The following DMXL2 variants were observed in gnomAD, a reference collection of about 807,000 sequenced individuals.
DMXL2 encodes the protein dmX-like protein 2.
A neutral mutation model predicts 331.1 loss-of-function variants in DMXL2; 103 were observed. The ratio of observed to expected loss-of-function variants is 0.31; its 90% CI spans 0.27 to 0.37. The LOEUF is 0.37. Among genes scored for constraint, DMXL2 ranks in the 10% least tolerant of loss-of-function variants. The pLI, the probability that DMXL2 is intolerant of heterozygous loss-of-function variation, is 1.00. For missense variants in DMXL2, 3,171 were observed against 3,642.9 expected, an observed-to-expected ratio of 0.87 and a Z score of 3.33; for synonymous variants, 1,281 against 1,252.1, an observed-to-expected ratio of 1.02 and a Z score of -0.49.
Position 51,545,686 on chromosome 15 carries a change from T to A in DMXL2, c.827A>T (p.Asp276Val). 1 of 1,613,704 alleles carries A rather than the reference T, an allele frequency of 6.2e-7. No individual in the cohort carries two copies. The highest frequency in any genetic ancestry group is 8.5e-7 in the Non-Finnish European group (1 of 1,179,736). ...ACAAATCTGCTCACCCAAAAGACAGTCTTCTGGTAATAAAGTTTCTGCCCA... is the reference window on the plus strand; with the variant it reads ...ACAAATCTGCTCACCCAAAAGACAGACTTCTGGTAATAAAGTTTCTGCCCA... ...RLWAETLLPEDCLLGEQICET... is the reference protein window; with the variant it reads ...RLWAETLLPEVCLLGEQICET... Residue 276 changes from aspartate to valine, a missense_variant, in exon 8 of 44, where the codon GAC becomes GTC. Asp to Val is a radical substitution (Grantham distance 152). This residue lies in a region of DMXL2 where 1,674 missense variants were observed against 1,780.2 expected (regional missense o/e 0.94). Transcript: ENST00000560891.
At chr15:51,483,563 G>C (rs1203412613) in intron 23 of DMXL2, among the ~76,000 whole-genome samples, 1 of 152,170 alleles carries the variant, frequency 6.6e-6, no homozygotes. Context: ...CCAAATGGGA[G>C]AGGTCTCCAA....
intron 1 of DMXL2, among the ~76,000 whole-genome samples, chr15:51,605,487 T>C (rs994685342): frequency 1.5e-4 from 22 of 145,252 alleles, no homozygotes; most frequent in Admixed American, 1.2e-3. Context: ...AGGTGTGAGC[T>C]ACCCGGCCCA....
intron 6 of DMXL2, among the ~76,000 whole-genome samples, chr15:51,549,073 C>A (rs184948875): frequency 2.0e-5 from 3 of 152,066 alleles, no homozygotes; most frequent in African/African-American, 7.2e-5. Flanking sequence ...AAGCAGTATA[C>A]ACTGTACCCA....
At chr15:51,579,765 G>A (rs982153201) in intron 1 of DMXL2, among the ~76,000 whole-genome samples, 5 of 152,120 alleles carry the variant, frequency 3.3e-5, no homozygotes, top group African/African-American at 1.2e-4. Context: ...TGATTTTCCA[G>A]CTAACAGTAT....
intron 1 of DMXL2, among the ~76,000 whole-genome samples, chr15:51,614,129 C>T (rs1290631943): frequency 6.6e-6 from 1 of 152,152 alleles, no homozygotes; most frequent in African/African-American, 2.4e-5. Flanking sequence ...GAGAAAAAGA[C>T]ACCGCAAGTG....
chr15:51,451,782 A>G, intron 41 of DMXL2, 85 bp from the exon 42 acceptor site: 1 of 1,214,876 alleles, frequency 8.2e-7, no homozygotes. Flanking sequence ...TCAGTCAAAT[A>G]TTTTGCTTAT....
intron 13 of DMXL2, among the ~76,000 whole-genome samples, chr15:51,526,662 C>T (rs758900782): frequency 6.6e-6 from 1 of 152,106 alleles, no homozygotes; most frequent in Non-Finnish European, 1.5e-5. Context: ...ATAACACAGA[C>T]AACAAATTCA....
chr15:51,605,514 A>ATTTTT (rs2053520971), intron 1 of DMXL2, among the ~76,000 whole-genome samples: 1 of 36,866 alleles, frequency 2.7e-5, no homozygotes, highest in Non-Finnish European at 6.6e-5. Context: ...ACAGATTAAT[A>ATTTTT]TTCTTTTTTT....
At chr15:51,473,421 GA>G (rs2140320154) in intron 28 of DMXL2, among the ~76,000 whole-genome samples, 1 of 152,272 alleles carries the variant, frequency 6.6e-6, no homozygotes, top group South Asian at 2.1e-4. Context: ...CAATTTTGGA[GA>G]AAAACTTTTA....
At chr15:51,555,984 G>A (rs770515738) in intron 6 of DMXL2, among the ~76,000 whole-genome samples, 10 of 152,112 alleles carry the variant, frequency 6.6e-5, no homozygotes, top group Non-Finnish European at 8.8e-5. Flanking sequence ...AATCTGTCAA[G>A]GACATTATGA....
Position 51,486,265 on chromosome 15 carries a change from T to C in DMXL2, c.5290A>G (p.Thr1764Ala). The change falls in exon 23 of 44, where the codon ACT (threonine) becomes GCT (alanine). Residue 1764 changes from threonine (T) to alanine (A), a missense_variant. This residue lies in a region of DMXL2 where 252 missense variants were observed against 387.4 expected (regional missense o/e 0.65). Coordinates refer to ENST00000560891, the MANE Select transcript of DMXL2 (RefSeq NM_001378457.1). ...IARLYESEFETSSTYISILNQ... is the reference protein window; with the variant it reads ...IARLYESEFEASSTYISILNQ... ...AGGATGGATATATAAGTGGATGAAG[T>C]CTCAAATTCAGATTCATATAAACGG... 1.2e-6 allele frequency: 2 copies of C among 1,612,940 alleles called. No individual in the cohort carries two copies. The highest frequency in any genetic ancestry group is 1.7e-6 in the Non-Finnish European group (2 of 1,179,018).
At position 51,447,884 on chromosome 15, in the gene DMXL2, A is replaced by T. The variant is rs544273591; in HGVS notation, c.*1100T>A. 6.5e-6 allele frequency: 1 copy of T among 152,800 alleles called. No individual in the cohort carries two copies. Among genetic ancestry groups the T allele is most frequent in the South Asian group, 2.1e-4 (1 of 4,834 alleles). The allele number at this position is 152,800 out of a possible 1,614,324, so 9.5% of individuals were successfully genotyped here. Reference sequence around the variant, plus strand: ...AAGTTACTTTTATGCCATTGTATTTACTATTTACCACACAGGCATTGAACA... The same window carrying T: ...AAGTTACTTTTATGCCATTGTATTTTCTATTTACCACACAGGCATTGAACA... On this transcript the variant is annotated 3_prime_UTR_variant, in exon 44 of 44. Coordinates refer to ENST00000560891, the MANE Select transcript of DMXL2 (RefSeq NM_001378457.1).
intron 16 of DMXL2, 49 bp from the exon 17 acceptor site, chr15:51,503,082 T>A (rs1331680942): frequency 8.4e-7 from 1 of 1,186,366 alleles, no homozygotes; most frequent in African/African-American, 1.6e-5. Context: ...ATCATTACTA[T>A]AAATAGGAGC....
intron 2 of DMXL2, 59 bp downstream of exon 2, chr15:51,575,997 T>A: frequency 6.7e-7 from 1 of 1,491,534 alleles, no homozygotes; most frequent in East Asian, 2.3e-5. Context: ...GATAAGAAGA[T>A]TCTGAGATTA....
rs186811314 is a variant in DMXL2, at chr15:51,570,848, C to T, written c.214-2290G>A. ...GCAAAAACATACCAAATTGTAAAGA[C>T]CATCAATGCTATGAAGAAACTGCAT... On this transcript the variant is annotated intron_variant, in intron 2 of 43. Coordinates refer to ENST00000560891, the MANE Select transcript of DMXL2 (RefSeq NM_001378457.1). 8.9e-3 allele frequency among the ~76,000 whole-genome samples: 1,354 copies of T among 152,218 alleles called. 15 individuals are homozygous for T. The highest frequency in any genetic ancestry group is 0.02 in the Middle Eastern group (6 of 294).
chr15:51,591,041 T>C (rs2052275324), intron 1 of DMXL2, among the ~76,000 whole-genome samples: 1 of 152,142 alleles, frequency 6.6e-6, no homozygotes, highest in Non-Finnish European at 1.5e-5. Context: ...CATTTCCAAC[T>C]GAGGTACCGG....
intron 16 of DMXL2, 124 bp downstream of exon 16, chr15:51,507,010 C>T (rs2046444513): frequency 2.7e-6 from 2 of 737,194 alleles, no homozygotes; most frequent in East Asian, 3.3e-5. Flanking sequence ...TTAGAAGAGA[C>T]ATAATTCAGC....
chr15:51,499,392 C>A lies in DMXL2; in HGVS notation c.3832G>T (p.Val1278Phe), dbSNP rs2043421405. 1.2e-6 allele frequency: 2 copies of A among 1,613,910 alleles called. No homozygotes were observed. The highest frequency in any genetic ancestry group is 2.2e-5 in the East Asian group (1 of 44,884). ...TCAGCTTCAGTGTCTCCAAATTTGA[C>A]AGCATGCTTCCACTGTGCATATACA... ...MHVYAQWKHA[V>F]KFGDTEADSS... Residue 1278 changes from valine (V) to phenylalanine (F), a missense_variant, in exon 18 of 44, where the codon GTC becomes TTC. By Grantham distance (50) the Val-to-Phe change is conservative. This residue lies in a region of DMXL2 where 1,674 missense variants were observed against 1,780.2 expected (regional missense o/e 0.94). Transcript: ENST00000560891.
chr15:51,486,180 T>C lies in DMXL2; in HGVS notation c.5375A>G (p.His1792Arg). ...AAGACTACGCAGGAAAGGATCAGGATGTAATCTTTTGCAACTGAATCCTGA... is the reference window on the plus strand; with the variant it reads ...AAGACTACGCAGGAAAGGATCAGGACGTAATCTTTTGCAACTGAATCCTGA... Reference protein sequence around the residue: ...DGSGFSCKRLHPDPFLRSLAY... With the variant: ...DGSGFSCKRLRPDPFLRSLAY... The change falls in exon 23 of 44, where the codon CAT becomes CGT. Residue 1792 changes from histidine (H) to arginine (R), a missense_variant. By Grantham distance (29) the His-to-Arg change is conservative (BLOSUM62 0). Coordinates refer to ENST00000560891, the MANE Select transcript of DMXL2 (RefSeq NM_001378457.1). 2 of 1,614,122 alleles carry C rather than the reference T, an allele frequency of 1.2e-6. No individual in the cohort carries two copies. Among genetic ancestry groups the C allele is most frequent in the Non-Finnish European group, 1.7e-6 (2 of 1,179,982 alleles).
Sources: gnomAD v4.1 joint callset for allele counts (sites outside exome capture counted in the v4.1 genomes callset) on GRCh38, gnomAD v4.1.1 for gene constraint, gnomAD v4.1.1 regional missense constraint, MANE v1.5 for transcripts, NCBI Gene and HGNC (gene_info 2026-07-23, HGNC 2026-07-21) for gene names.